The following BBOF1 variants were observed in gnomAD, a reference collection of about 807,000 sequenced individuals.
The protein encoded by BBOF1 is basal body orientation factor 1.
A neutral mutation model predicts 68.0 loss-of-function variants in BBOF1; 62 were observed. That is an observed-to-expected ratio of 0.91 (90% CI 0.74 to 1.13). The LOEUF is 1.13. Ranked by LOEUF, BBOF1 falls within the 50% of genes most tolerant of loss-of-function variation. BBOF1 has a pLI of 0.00. For missense variants in BBOF1, 534 were observed against 600.1 expected (o/e 0.89, Z 1.15); for synonymous variants, 208 against 198.8 (o/e 1.05, Z -0.39).
intron 4 of BBOF1, 150 bp downstream of exon 4, chr14:74,034,321 T>C: frequency 1.8e-6 from 1 of 544,256 alleles, no homozygotes. Flanking sequence ...GAAGACAGAC[T>C]GGATGCCAAA....
At chr14:74,059,190 A>G (rs2060285748) in intron 11 of BBOF1, 2 of 222,446 alleles carry the variant, frequency 9.0e-6, no homozygotes, top group South Asian at 9.9e-5. Context: ...AAGCTTCGAA[A>G]TTTCTTAGGC....
intron 4 of BBOF1, among the ~76,000 whole-genome samples, chr14:74,037,167 G>T (rs1183738325): frequency 6.8e-6 from 1 of 147,660 alleles, no homozygotes; most frequent in Admixed American, 6.8e-5. Context: ...TAGAGACAGG[G>T]TTTCACCATG....
downstream of BBOF1, among the ~76,000 whole-genome samples, chr14:74,067,044 C>T (rs1158361431): frequency 6.6e-6 from 1 of 152,070 alleles, no homozygotes; most frequent in African/African-American, 2.4e-5. Context: ...AGTGAGACTT[C>T]ATATTTACAA....
chr14:74,030,161 A>G (rs1408919472), intron 3 of BBOF1, among the ~76,000 whole-genome samples: 3 of 152,084 alleles, frequency 2.0e-5, no homozygotes, highest in South Asian at 4.1e-4. Flanking sequence ...CACCAACTCA[A>G]CAACACATTT....
intron 3 of BBOF1, among the ~76,000 whole-genome samples, chr14:74,032,307 A>C (rs2059590864): frequency 6.6e-6 from 1 of 150,998 alleles, no homozygotes; most frequent in African/African-American, 2.4e-5. Flanking sequence ...TTGTATTTTT[A>C]GTAGAGACAG....
In BBOF1 at chr14:74,065,218, G is replaced by A. The variant is rs1450028746; in HGVS notation, c.*519G>A. ...CACCAAGTGGGCATATTTCCGAGCA[G>A]TGGCTCCATTGGTGGTGAAGATGGC... On this transcript the variant is annotated 3_prime_UTR_variant, in exon 12 of 12. Coordinates refer to ENST00000394009, the MANE Select transcript of BBOF1 (RefSeq NM_025057.3). 6 of 1,614,046 alleles carry A rather than the reference G, an allele frequency of 3.7e-6. No homozygotes were observed. Among genetic ancestry groups the A allele is most frequent in the Non-Finnish European group, 5.1e-6 (6 of 1,180,030 alleles).
In BBOF1 at chr14:74,064,986, G is replaced by A. The variant is rs776466459; in HGVS notation, c.*287G>A. The A allele has an allele frequency of 1.3e-6, 2 of 1,484,880 alleles. No homozygotes were observed. The highest frequency in any genetic ancestry group is 1.4e-5 in the African/African-American group (1 of 71,954). 92.0% of individuals were successfully genotyped at this position (1,484,880 alleles called of 1,614,324 possible). ...GAACTCTCCATTTAGAAACACAAAG[G>A]CATCAGAGACCAGTTTTAAATACCC... On this transcript the variant is annotated 3_prime_UTR_variant, in exon 12 of 12. Coordinates refer to ENST00000394009, the MANE Select transcript of BBOF1 (RefSeq NM_025057.3).
chr14:74,038,319 T>C (rs1334159542), intron 4 of BBOF1, among the ~76,000 whole-genome samples: 2 of 152,262 alleles, frequency 1.3e-5, no homozygotes, highest in Non-Finnish European at 2.9e-5. Flanking sequence ...TAACTTTTCA[T>C]GAACTCTTAA....
At chr14:74,077,610 C>G (rs1360834785) in intron 9 of BBOF1, among the ~76,000 whole-genome samples, 2 of 152,126 alleles carry the variant, frequency 1.3e-5, no homozygotes, top group African/African-American at 4.8e-5. Flanking sequence ...CCCATGGGAA[C>G]TAATCCAGTC....
At chr14:74,082,490 T>G (rs974443455) in intron 12 of BBOF1, among the ~76,000 whole-genome samples, 17 of 148,032 alleles carry the variant, frequency 1.1e-4, no homozygotes, top group Non-Finnish European at 1.5e-4. Flanking sequence ...ACCTCCGTCT[T>G]CCGGGTTCAA....
intron 7 of BBOF1, among the ~76,000 whole-genome samples, chr14:74,048,891 G>C (rs1410858179): frequency 1.3e-5 from 2 of 152,074 alleles, no homozygotes; most frequent in African/African-American, 4.8e-5. Flanking sequence ...GAGAGAGAGA[G>C]AAAGACGGAG....
At chr14:74,056,261 T>C (rs961587581) in intron 9 of BBOF1, among the ~76,000 whole-genome samples, 3 of 149,182 alleles carry the variant, frequency 2.0e-5, no homozygotes, top group Non-Finnish European at 3.0e-5. Context: ...AGTGCAGTGA[T>C]GTAATCTCGG....
chr14:74,067,458 T>C, downstream of BBOF1: 1 of 1,614,194 alleles, frequency 6.2e-7, no homozygotes, highest in South Asian at 1.1e-5. Flanking sequence ...AGGACTGCTG[T>C]TGAAAGAGCC....
chr14:74,043,555 T>TC (rs1566806084), intron 5 of BBOF1, among the ~76,000 whole-genome samples: 1 of 45,816 alleles, frequency 2.2e-5, no homozygotes, highest in Non-Finnish European at 3.6e-5. Context: ...AGACTCCGTC[T>TC]CAAAAAAAAA....
chr14:74,064,289 C>T (rs2060417452), intron 11 of BBOF1, among the ~76,000 whole-genome samples: 1 of 130,144 alleles, frequency 7.7e-6, no homozygotes, highest in Admixed American at 7.6e-5. Context: ...CAGAGCGAGA[C>T]TGTGTCTCAA....
At chr14:74,042,740 C>T (rs551626625) in intron 5 of BBOF1, among the ~76,000 whole-genome samples, 4 of 152,198 alleles carry the variant, frequency 2.6e-5, no homozygotes, top group Non-Finnish European at 4.4e-5. Flanking sequence ...CCCAGGAATT[C>T]GGGGCTGCAG....
At chr14:74,024,329 A>C (rs545551169) in intron 2 of BBOF1, among the ~76,000 whole-genome samples, 2 of 150,718 alleles carry the variant, frequency 1.3e-5, no homozygotes, top group African/African-American at 4.9e-5. Context: ...GGCAGTGTGC[A>C]CCTGTAGTCC....
At chr14:74,078,144 C>G in intron 9 of BBOF1, 2 of 452,038 alleles carry the variant, frequency 4.4e-6, no homozygotes, top group South Asian at 3.1e-5. Flanking sequence ...ACTCCCAATT[C>G]TACTAATTCC....
downstream of BBOF1, among the ~76,000 whole-genome samples, chr14:74,066,399 C>T (rs937252246): frequency 6.6e-6 from 1 of 152,112 alleles, no homozygotes; most frequent in Non-Finnish European, 1.5e-5. Context: ...AACACAGCCA[C>T]ACAATGTTTA....
Sources: gnomAD v4.1 joint callset for allele counts (sites outside exome capture counted in the v4.1 genomes callset) on GRCh38, gnomAD v4.1.1 for gene constraint, MANE v1.5 for transcripts, NCBI Gene and HGNC (gene_info 2026-07-23, HGNC 2026-07-21) for gene names.